KCND3: variants seen among roughly 807,000 people sequenced by gnomAD.
KCND3 encodes the protein potassium voltage-gated channel subfamily D member 3.
Under a neutral mutation model 51.1 loss-of-function variants are expected in KCND3, and 9 were observed. That is an observed-to-expected ratio of 0.18 (90% CI 0.11 to 0.31). The LOEUF (loss-of-function observed/expected upper bound fraction) is 0.31, where lower values mean the gene tolerates loss of function less well. Ranked by LOEUF, KCND3 falls within the 10% of genes least tolerant of loss-of-function variation. The pLI is 1.00. For missense variants in KCND3, 526 were observed against 903.8 expected (o/e 0.58, Z 5.36); for synonymous variants, 349 against 368.0 (o/e 0.95, Z 0.59).
intron 2 of KCND3, among the ~76,000 whole-genome samples, chr1:111,838,816 A>G (rs996191953): frequency 1.3e-5 from 2 of 152,178 alleles, no homozygotes; most frequent in Admixed American, 6.5e-5. Flanking sequence ...TTTGGAGGAC[A>G]GTTTTGAAGT....
chr1:111,960,475 G>A (rs550964365), intron 2 of KCND3, among the ~76,000 whole-genome samples: 95 of 152,194 alleles, frequency 6.2e-4, no homozygotes, highest in Non-Finnish European at 1.1e-3. Flanking sequence ...GACCAGCCAG[G>A]GCTGGTACCC....
intron 2 of KCND3, among the ~76,000 whole-genome samples, chr1:111,909,140 CA>C (rs1197493701): frequency 6.6e-6 from 1 of 152,092 alleles, no homozygotes; most frequent in African/African-American, 2.4e-5. Context: ...TGGCCCCACA[CA>C]CACTCTTTCA....
chr1:111,976,125 G>T (rs1254380537), intron 2 of KCND3, among the ~76,000 whole-genome samples: 3 of 152,146 alleles, frequency 2.0e-5, no homozygotes, highest in Admixed American at 6.5e-5. Flanking sequence ...TTTCTTCTCT[G>T]CTGTATTCCC....
chr1:111,828,254 G>A (rs548210770), intron 2 of KCND3, among the ~76,000 whole-genome samples: 1 of 152,284 alleles, frequency 6.6e-6, no homozygotes, highest in South Asian at 2.1e-4. Context: ...ACAGAGCTTG[G>A]TATTCACACA....
chr1:111,868,284 C>G (rs1449012616), intron 2 of KCND3, among the ~76,000 whole-genome samples: 1 of 152,294 alleles, frequency 6.6e-6, no homozygotes, highest in African/African-American at 2.4e-5. Context: ...CCAGCACATC[C>G]GCTGTCCACG....
intron 2 of KCND3, among the ~76,000 whole-genome samples, chr1:111,898,033 C>T (rs1372829449): frequency 6.6e-6 from 1 of 152,142 alleles, no homozygotes; most frequent in African/African-American, 2.4e-5. Context: ...GAGCACCCCA[C>T]AAAACTGGAC....
chr1:111,979,705 A>G (rs1033058923), intron 2 of KCND3, among the ~76,000 whole-genome samples: 20 of 152,188 alleles, frequency 1.3e-4, no homozygotes, highest in African/African-American at 4.3e-4. Flanking sequence ...GCATCTTTAT[A>G]GGGTACAGAA....
chr1:111,796,092 G>T (rs1379180867), intron 2 of KCND3, among the ~76,000 whole-genome samples: 2 of 152,106 alleles, frequency 1.3e-5, no homozygotes, highest in Non-Finnish European at 2.9e-5. Context: ...TTAAACCTTT[G>T]TCGGATTGCA....
At chr1:111,879,142 C>T (rs1669189736) in intron 2 of KCND3, among the ~76,000 whole-genome samples, 1 of 152,200 alleles carries the variant, frequency 6.6e-6, no homozygotes, top group South Asian at 2.1e-4. Context: ...CCTGGGTCTC[C>T]AGCTTGCCAC....
In KCND3 at chr1:111,977,065, G is replaced by A. The variant is rs182454144; in HGVS notation, c.1106+4556C>T. 3.9e-5 allele frequency among the ~76,000 whole-genome samples: 6 copies of A among 152,338 alleles called. No homozygotes were observed. The East Asian group carries it at 5.8e-4, about 15-fold the overall frequency. ...TCAACAAAGAAAAGGCTTTGAGGTC[G>A]TTTGTTCCCAATAGGTGTCCTAAGA... On this transcript the variant is annotated intron_variant, in intron 2 of 7. Transcript: ENST00000302127.
chr1:111,853,776 C>T (rs866735683), intron 2 of KCND3: 9 of 152,192 alleles, frequency 5.9e-5, no homozygotes, highest in African/African-American at 9.7e-5. Flanking sequence ...TGCTCAATAA[C>T]GGTTTATTGA....
At chr1:111,878,304 A>G (rs1047409393) in intron 2 of KCND3, among the ~76,000 whole-genome samples, 1 of 152,356 alleles carries the variant, frequency 6.6e-6, no homozygotes, top group African/African-American at 2.4e-5. Context: ...CCTGCCAGCC[A>G]CAATATGGCC....
chr1:111,781,217 A>G (rs1280459860), intron 3 of KCND3, among the ~76,000 whole-genome samples: 1 of 152,224 alleles, frequency 6.6e-6, no homozygotes, highest in Admixed American at 6.5e-5. Flanking sequence ...TTTTCTGCAT[A>G]TAGTAGGTCC....
intron 2 of KCND3, among the ~76,000 whole-genome samples, chr1:111,946,507 G>A (rs372265833): frequency 3.3e-5 from 5 of 152,142 alleles, no homozygotes; most frequent in Admixed American, 6.5e-5. Flanking sequence ...AAGGGCAGCC[G>A]GCCTTTCTTG....
chr1:111,799,818 G>T (rs1412311036), intron 2 of KCND3, among the ~76,000 whole-genome samples: 2 of 152,248 alleles, frequency 1.3e-5, no homozygotes, highest in South Asian at 2.1e-4. Flanking sequence ...GACGGAGATG[G>T]AAGAGCAAAT....
chr1:111,941,507 G>A (rs1016205654), intron 2 of KCND3, among the ~76,000 whole-genome samples: 2 of 152,128 alleles, frequency 1.3e-5, no homozygotes, highest in African/African-American at 2.4e-5. Flanking sequence ...TTTTACCCTC[G>A]AGTACACATT....
intron 3 of KCND3, 106 bp downstream of exon 3, chr1:111,786,838 A>T: frequency 7.3e-7 from 1 of 1,373,354 alleles, no homozygotes; most frequent in Non-Finnish European, 1.0e-6. Context: ...GCAAAGCCAG[A>T]GGCCATCTGT....
At chr1:111,948,788 G>C (rs1201778123) in intron 2 of KCND3, among the ~76,000 whole-genome samples, 3 of 152,042 alleles carry the variant, frequency 2.0e-5, no homozygotes, top group African/African-American at 7.2e-5. Flanking sequence ...CACAGCAGGA[G>C]AGGGAGGGAC....
chr1:111,799,978 C>T (rs1276230428), intron 2 of KCND3, among the ~76,000 whole-genome samples: 1 of 152,020 alleles, frequency 6.6e-6, no homozygotes, highest in Non-Finnish European at 1.5e-5. Context: ...GCGCCTCTGC[C>T]CGGCCGCCCC....
Sources: gnomAD v4.1 joint callset for allele counts (sites outside exome capture counted in the v4.1 genomes callset) on GRCh38, gnomAD v4.1.1 for gene constraint, MANE v1.5 for transcripts, NCBI Gene and HGNC (gene_info 2026-07-23, HGNC 2026-07-21) for gene names.